Variants in SLC1A6 observed in about 807,000 individuals in gnomAD.
SLC1A6 encodes the protein excitatory amino acid transporter 4.
SLC1A6 carries 15 observed loss-of-function variants against 42.1 expected under a neutral mutation model. That is an observed-to-expected ratio of 0.36 (90% CI 0.24 to 0.55). The LOEUF (loss-of-function observed/expected upper bound fraction) is 0.55, where lower values mean the gene tolerates loss of function less well. Ranked by LOEUF, SLC1A6 falls within the 20% of genes least tolerant of loss-of-function variation. The pLI is 0.88. For missense variants in SLC1A6, 542 were observed against 772.5 expected (o/e 0.70, Z 3.54); for synonymous variants, 317 against 319.7 (o/e 0.99, Z 0.09).
At chr19:14,980,676 G>A (rs1333833056), upstream of SLC1A6, among the ~76,000 whole-genome samples, 1 of 136,850 alleles carries the variant, frequency 7.3e-6, no homozygotes, top group East Asian at 2.1e-4. Flanking sequence ...AAAAAAGTCA[G>A]TGCACGTTCA....
At chr19:14,963,490 T>C (rs781526247) in intron 5 of SLC1A6, among the ~76,000 whole-genome samples, 3 of 152,356 alleles carry the variant, frequency 2.0e-5, no homozygotes, top group African/African-American at 4.8e-5. Context: ...TATAAGGTAA[T>C]TGATATGTTA....
intron 8 of SLC1A6, 89 bp from the exon 9 acceptor site, chr19:14,953,151 T>C: frequency 3.1e-6 from 3 of 974,006 alleles, no homozygotes; most frequent in Non-Finnish European, 4.7e-6. Flanking sequence ...AGGGAAGAGA[T>C]CAGCTCCCCA....
At position 14,959,857 on chromosome 19, in the gene SLC1A6, A is replaced by G. The variant is rs550222131; in HGVS notation, c.935+2145T>C. 3.3e-5 allele frequency among the ~76,000 whole-genome samples: 5 copies of G among 152,308 alleles called. No homozygotes were observed. The South Asian group carries it at 1.0e-3, about 32-fold the overall frequency. On this transcript the variant is annotated intron_variant, in intron 6 of 9. Coordinates refer to ENST00000594383, the MANE Select transcript of SLC1A6 (RefSeq NM_005071.3). The stretch of plus-strand genomic sequence containing the variant: ...ATGACTCCCTCTTCAGGAAGCATTC[A>G]CTGCGTACCCCTCTACTCACTGCTT...
At position 15,006,690 on chromosome 19, in the gene SLC1A6, G is replaced by A. The variant is rs75485850; in HGVS notation, c.6+3795C>T. On this transcript the variant is annotated intron_variant, in intron 1 of 8. Transcript: ENST00000430939. ...TGTAATCCCAGCACCTTTGTAGGCC[G>A]AGGCAGGAGAATTACTTAAGGCCAG... Among the ~76,000 whole-genome samples the A allele has an allele frequency of 4.9e-3, 734 of 149,388 alleles. 12 individuals are homozygous for A. Among genetic ancestry groups the A allele is most frequent in the African/African-American group, 0.018 (711 of 40,408 alleles).
chr19:14,966,255 GC>G (rs1292095400), intron 4 of SLC1A6, among the ~76,000 whole-genome samples: 2 of 152,262 alleles, frequency 1.3e-5, no homozygotes, highest in South Asian at 2.1e-4. Context: ...AGTTTAAGAG[GC>G]TGAGGCAGGT....
chr19:14,959,707 A>G (rs753171593), intron 6 of SLC1A6, among the ~76,000 whole-genome samples: 26 of 152,144 alleles, frequency 1.7e-4, no homozygotes, highest in Non-Finnish European at 2.8e-4. Context: ...ACCATTCTCC[A>G]AACAACTTAG....
chr19:14,977,182 G>A (rs1032524679), intron 1 of SLC1A6: 4 of 152,180 alleles, frequency 2.6e-5, no homozygotes, highest in Admixed American at 2.6e-4. Flanking sequence ...GATCTGAACA[G>A]TCAGGAAAAC....
intron 1 of SLC1A6, among the ~76,000 whole-genome samples, chr19:14,995,888 A>G (rs1477088659): frequency 6.6e-6 from 1 of 152,276 alleles, no homozygotes; most frequent in African/African-American, 2.4e-5. Context: ...TACCCCGGAA[A>G]AGAACATTAG....
chr19:14,956,510 G>T lies in SLC1A6; in HGVS notation c.1135C>A (p.Gln379Lys). The T allele has an allele frequency of 6.2e-7, 1 of 1,605,018 alleles. No individual in the cohort carries two copies. ...NPFPFIGGML[Q>K]ALITAMGTSS... ...GTGCCCATAGCGGTGATGAGGGCTT[G>T]TAGCATGCCCCCAATGAAGGGGAAG... Residue 379 changes from glutamine to lysine, a missense_variant, in exon 7 of 10, where the codon CAA (glutamine) becomes AAA (lysine). This residue lies in a region of SLC1A6 where 298 missense variants were observed against 419.4 expected (regional missense o/e 0.71). Coordinates refer to ENST00000594383, the MANE Select transcript of SLC1A6 (RefSeq NM_005071.3).
chr19:15,003,671 AAAAG>A (rs2045882869), intron 1 of SLC1A6, among the ~76,000 whole-genome samples: 1 of 144,842 alleles, frequency 6.9e-6, no homozygotes, highest in African/African-American at 2.5e-5. Flanking sequence ...AAAAAAAAAA[AAAAG>A]AAAGAAAAGA....
intron 1 of SLC1A6, among the ~76,000 whole-genome samples, chr19:15,001,206 C>T (rs113242419): frequency 0.058 from 8,853 of 151,844 alleles, 423 homozygotes; most frequent in South Asian, 0.27. Flanking sequence ...ATAACTAAGA[C>T]AAATGAGATG....
intron 6 of SLC1A6, 171 bp downstream of exon 6, chr19:14,961,831 G>A: frequency 3.1e-6 from 3 of 955,776 alleles, no homozygotes; most frequent in South Asian, 2.0e-5. Context: ...GTCAACTAGT[G>A]ATGAAATCAT....
At chr19:15,009,356 T>C (rs1364328033) in intron 1 of SLC1A6, among the ~76,000 whole-genome samples, 1 of 152,034 alleles carries the variant, frequency 6.6e-6, no homozygotes, top group African/African-American at 2.4e-5. Context: ...ATATAGCATA[T>C]ATGTCACATG....
chr19:14,996,042 G>A (rs537220478), intron 1 of SLC1A6, among the ~76,000 whole-genome samples: 309 of 152,040 alleles, frequency 2.0e-3, no homozygotes, highest in African/African-American at 7.2e-3. Context: ...AAGGAAACAC[G>A]GTAGAAAAAA....
At chr19:14,981,251 C>T (rs183812090), upstream of SLC1A6, among the ~76,000 whole-genome samples, 21 of 151,718 alleles carry the variant, frequency 1.4e-4, no homozygotes, top group African/African-American at 3.6e-4. Flanking sequence ...TATGATTGTG[C>T]CACTGCACTT....
intron 1 of SLC1A6, among the ~76,000 whole-genome samples, chr19:15,001,018 A>G (rs2045869735): frequency 6.6e-6 from 1 of 152,240 alleles, no homozygotes; most frequent in African/African-American, 2.4e-5. Context: ...AAGGTTGAAC[A>G]GCTAGAACAG....
At chr19:14,969,633 T>C (rs768017148) in intron 3 of SLC1A6, among the ~76,000 whole-genome samples, 2 of 152,178 alleles carry the variant, frequency 1.3e-5, no homozygotes, top group Non-Finnish European at 2.9e-5. Flanking sequence ...CCGCAATAAA[T>C]CACCTGTGCA....
chr19:14,964,493 G>A (rs766089176), intron 4 of SLC1A6, 132 bp from the exon 5 acceptor site: 6 of 750,304 alleles, frequency 8.0e-6, no homozygotes, highest in African/African-American at 5.1e-5. Flanking sequence ...GCTGGGCACT[G>A]AGCAAGCATC....
intron 7 of SLC1A6, among the ~76,000 whole-genome samples, chr19:14,955,121 C>T (rs964377161): frequency 6.6e-6 from 1 of 152,098 alleles, no homozygotes; most frequent in African/African-American, 2.4e-5. Flanking sequence ...GTTCTGTGGT[C>T]AGCTTTACAT....
Sources: gnomAD v4.1 joint callset for allele counts (sites outside exome capture counted in the v4.1 genomes callset) on GRCh38, gnomAD v4.1.1 for gene constraint, gnomAD v4.1.1 regional missense constraint, MANE v1.5 for transcripts, NCBI Gene and HGNC (gene_info 2026-07-23, HGNC 2026-07-21) for gene names.